Variants in MROH1 observed in about 807,000 individuals in gnomAD.
MROH1 encodes the protein maestro heat-like repeat-containing protein family member 1.
Under a neutral mutation model 116.5 loss-of-function variants are expected in MROH1, and 117 were observed. The observed-to-expected ratio is 1.00, with a 90% confidence interval of 0.86 to 1.17. The LOEUF is 1.17. MROH1 is among the 50% of genes most tolerant of loss of function. The probability of loss-of-function intolerance (pLI) is 0.00; values close to 1 mark genes in which losing one functional copy is unlikely to be tolerated. For missense variants in MROH1, 1,873 were observed against 1,338.5 expected, an observed-to-expected ratio of 1.40 and a Z score of -6.23; for synonymous variants, 921 against 583.9, an observed-to-expected ratio of 1.58 and a Z score of -8.32.
intron 7 of MROH1, among the ~76,000 whole-genome samples, chr8:144,183,913 C>T (rs1043199600): frequency 6.6e-6 from 1 of 152,060 alleles, no homozygotes; most frequent in Non-Finnish European, 1.5e-5. Context: ...TCCCAAAGTG[C>T]TGGGATTACA....
chr8:144,171,568 T>G (rs1361103922), intron 4 of MROH1, among the ~76,000 whole-genome samples: 1 of 152,306 alleles, frequency 6.6e-6, no homozygotes, highest in Admixed American at 6.5e-5. Flanking sequence ...CACCACCATT[T>G]CACCTCAGTG....
intron 12 of MROH1, among the ~76,000 whole-genome samples, chr8:144,210,803 T>C (rs1366016741): frequency 1.3e-5 from 2 of 152,204 alleles, no homozygotes; most frequent in Non-Finnish European, 2.9e-5. Flanking sequence ...TGACCATTGG[T>C]GATTTTGTTT....
At chr8:144,223,947 A>G (rs1392557268) in intron 14 of MROH1, among the ~76,000 whole-genome samples, 1 of 152,216 alleles carries the variant, frequency 6.6e-6, no homozygotes, top group Non-Finnish European at 1.5e-5. Flanking sequence ...ATCTGAGCTC[A>G]GTGACTGCAT....
chr8:144,156,441 T>G (rs1018479189), intron 1 of MROH1, among the ~76,000 whole-genome samples: 1 of 151,872 alleles, frequency 6.6e-6, no homozygotes, highest in African/African-American at 2.4e-5. Context: ...GCACGGTGGC[T>G]CACACCTATA....
At chr8:144,198,652 C>T (rs1830453333) in intron 10 of MROH1, among the ~76,000 whole-genome samples, 1 of 152,118 alleles carries the variant, frequency 6.6e-6, no homozygotes, top group African/African-American at 2.4e-5. Context: ...AAGTGGACTC[C>T]AGAAGTTTTG....
intron 22 of MROH1, among the ~76,000 whole-genome samples, chr8:144,241,798 C>A (rs1481103659): frequency 6.6e-6 from 1 of 152,242 alleles, no homozygotes; most frequent in Non-Finnish European, 1.5e-5. Context: ...CCTCTGCCCC[C>A]TGGTGGCTGG....
At chr8:144,195,264 G>A (rs1280586093) in intron 10 of MROH1, among the ~76,000 whole-genome samples, 1 of 141,314 alleles carries the variant, frequency 7.1e-6, no homozygotes, top group Non-Finnish European at 1.5e-5. Context: ...CACTTTGGGA[G>A]GCCAAGGCAG....
chr8:144,154,141 TG>T (rs1817506254), intron 1 of MROH1, among the ~76,000 whole-genome samples: 1 of 152,168 alleles, frequency 6.6e-6, no homozygotes, highest in Admixed American at 6.5e-5. Flanking sequence ...CTCGGCTCAC[TG>T]TAATCTCCAC....
chr8:144,246,033 TCCCTCCCTTCCTCCC>T, intron 29 of MROH1, among the ~76,000 whole-genome samples: 1 of 28,660 alleles, frequency 3.5e-5, no homozygotes, highest in African/African-American at 1.7e-4. Flanking sequence ...CTCCCTCACC[TCCCTCCCTTCCTCCC>T]CTCCCTCCCT....
At chr8:144,149,091 C>T (rs1357289963) in intron 1 of MROH1, among the ~76,000 whole-genome samples, 2 of 152,046 alleles carry the variant, frequency 1.3e-5, no homozygotes, top group Non-Finnish European at 2.9e-5. Flanking sequence ...GTGCGATGAC[C>T]ATGGATGGAG....
chr8:144,229,764 C>T (rs1260761635), intron 14 of MROH1, among the ~76,000 whole-genome samples: 1 of 152,064 alleles, frequency 6.6e-6, no homozygotes, highest in Non-Finnish European at 1.5e-5. Flanking sequence ...GCAGTCATTA[C>T]AGCTTATGCC....
intron 14 of MROH1, among the ~76,000 whole-genome samples, chr8:144,230,094 G>A (rs753475921): frequency 1.3e-5 from 2 of 152,120 alleles, no homozygotes; most frequent in Admixed American, 6.6e-5. Context: ...ACTTGTTGCG[G>A]TTTCTCCATC....
intron 7 of MROH1, among the ~76,000 whole-genome samples, chr8:144,190,337 G>A (rs538202719): frequency 1.3e-5 from 2 of 152,264 alleles, no homozygotes; most frequent in Non-Finnish European, 1.5e-5. Flanking sequence ...AAACCAGCCT[G>A]GCCAACATGG....
At chr8:144,168,199 G>C (rs1157459493) in intron 3 of MROH1, 96 bp from the exon 4 acceptor site, 3 of 1,356,108 alleles carry the variant, frequency 2.2e-6, no homozygotes, top group Non-Finnish European at 2.9e-6. Context: ...GTGATCCTCA[G>C]AGGCTGCAGG....
chr8:144,220,060 A>G (rs925566807), intron 12 of MROH1, among the ~76,000 whole-genome samples: 1 of 152,070 alleles, frequency 6.6e-6, no homozygotes, highest in African/African-American at 2.4e-5. Flanking sequence ...CTTCATTTTT[A>G]TAGTCTCTCA....
intron 10 of MROH1, among the ~76,000 whole-genome samples, chr8:144,198,109 G>A (rs957847978): frequency 3.3e-5 from 5 of 151,430 alleles, no homozygotes; most frequent in African/African-American, 9.7e-5. Context: ...ACGTAGAGCC[G>A]AGCCCTGGGG....
In MROH1 at chr8:144,227,516, A is replaced by G. The variant is rs1838029589; in HGVS notation, c.1338+4286A>G. Among the ~76,000 whole-genome samples the G allele has an allele frequency of 2.0e-5, 3 of 152,150 alleles. No individual in the cohort carries two copies. In the South Asian group the frequency reaches 6.2e-4, roughly 32 times the overall value. On this transcript the variant is annotated intron_variant, in intron 14 of 43. Coordinates refer to ENST00000326134, the MANE Select transcript of MROH1 (RefSeq NM_032450.3). Reference sequence around the variant, plus strand: ...AAAAATTAGCTGGGTATGGTGGCACATACCTGTAGTCCCAGCTACTCTGGA... The same window carrying G: ...AAAAATTAGCTGGGTATGGTGGCACGTACCTGTAGTCCCAGCTACTCTGGA...
chr8:144,230,818 T>C (rs1838724970), intron 14 of MROH1, among the ~76,000 whole-genome samples: 1 of 145,182 alleles, frequency 6.9e-6, no homozygotes, highest in Non-Finnish European at 1.5e-5. Context: ...TTTTTTTTTT[T>C]TTTTTTTTAA....
intron 4 of MROH1, among the ~76,000 whole-genome samples, chr8:144,170,999 AC>A (rs1822292164): frequency 6.6e-6 from 1 of 152,232 alleles, no homozygotes; most frequent in South Asian, 2.1e-4. Context: ...GCAACAATCA[AC>A]ACAGAAGATT....
Sources: allele counts gnomAD v4.1 joint callset (sites outside exome capture counted in the v4.1 genomes callset), GRCh38; gene constraint gnomAD v4.1.1; transcripts MANE v1.5; gene names NCBI Gene and HGNC (gene_info 2026-07-23, HGNC 2026-07-21).